Variants in PCDHA1 observed in about 807,000 individuals in gnomAD.
PCDHA1 encodes the protein protocadherin alpha-1.
A neutral mutation model predicts 61.3 loss-of-function variants in PCDHA1; 42 were observed. The observed-to-expected ratio is 0.69, with a 90% CI of 0.54 to 0.89. The LOEUF is 0.89. Ranked by LOEUF, PCDHA1 falls within the 40% of genes least tolerant of loss-of-function variation. The pLI, the probability that PCDHA1 is intolerant of heterozygous loss-of-function variation, is 0.00. For synonymous variants in PCDHA1, 610 were observed against 553.8 expected, an observed-to-expected ratio of 1.10 and a Z score of -1.43; for missense variants, 1,256 against 1,235.3, an observed-to-expected ratio of 1.02 and a Z score of -0.25.
At chr5:140,868,157 G>C (rs1380314181) in intron 1 of PCDHA1, 1 of 151,956 alleles carries the variant, frequency 6.6e-6, no homozygotes, top group Non-Finnish European at 1.5e-5. Flanking sequence ...GTTACATAAA[G>C]TGCTAAATTT....
chr5:140,793,425 C>T (rs782305849), intron 1 of PCDHA1, among the ~76,000 whole-genome samples: 6 of 152,084 alleles, frequency 3.9e-5, no homozygotes, highest in Non-Finnish European at 8.8e-5. Context: ...TACACATTTC[C>T]ATAGATGGTA....
At chr5:140,911,934 A>G (rs2075691303) in intron 1 of PCDHA1, among the ~76,000 whole-genome samples, 1 of 152,158 alleles carries the variant, frequency 6.6e-6, no homozygotes, top group East Asian at 1.9e-4. Flanking sequence ...AATAGGATAG[A>G]TGTATATATA....
intron 1 of PCDHA1, among the ~76,000 whole-genome samples, chr5:140,855,631 C>T (rs1193422916): frequency 1.3e-5 from 2 of 149,640 alleles, no homozygotes; most frequent in African/African-American, 4.9e-5. Flanking sequence ...TGAAATTCGG[C>T]TATTGATAAT....
chr5:140,789,089 C>T (rs1761511254), intron 1 of PCDHA1, among the ~76,000 whole-genome samples: 1 of 152,240 alleles, frequency 6.6e-6, no homozygotes, highest in African/African-American at 2.4e-5. Context: ...AAATCATCTG[C>T]CTTCCCTTTA....
At chr5:140,842,015 G>C in intron 1 of PCDHA1, 1 of 1,613,814 alleles carries the variant, frequency 6.2e-7, no homozygotes, top group East Asian at 2.2e-5. Flanking sequence ...GCTGGTCACA[G>C]TGCTGGATGT....
chr5:140,804,940 C>T (rs1188408361), intron 1 of PCDHA1: 3 of 1,197,384 alleles, frequency 2.5e-6, no homozygotes, highest in East Asian at 5.6e-5. Context: ...TCCTTTGTTG[C>T]TCCCTTGTCC....
At chr5:140,983,293 A>C (rs2097040232) in intron 3 of PCDHA1, among the ~76,000 whole-genome samples, 1 of 152,240 alleles carries the variant, frequency 6.6e-6, no homozygotes, top group African/African-American at 2.4e-5. Context: ...AAAATTGCTT[A>C]AACTCACATT....
At position 140,876,322 on chromosome 5, in the gene PCDHA1, A is replaced by C. The variant is rs146464308; in HGVS notation, c.2394+87638A>C. On this transcript the variant is annotated intron_variant, in intron 1 of 3. Transcript: ENST00000504120. ...AGAAATTTCCTATGGGATCAAAATG[A>C]TTTTGCCAGTGAGTGAGAAATGTAT... 2.9e-4 allele frequency: 465 copies of C among 1,614,034 alleles called. 1 individual carries two copies. In the African/African-American group the frequency reaches 5.7e-3, roughly 20 times the overall value.
chr5:140,834,392 C>T (rs2150216428), intron 1 of PCDHA1: 20 of 1,595,562 alleles, frequency 1.3e-5, no homozygotes, highest in Non-Finnish European at 6.0e-6. Context: ...AAATGGTGTG[C>T]CCGAATGGAT....
chr5:140,883,569 C>T (rs781786717), intron 1 of PCDHA1: 3 of 1,614,134 alleles, frequency 1.9e-6, no homozygotes, highest in Non-Finnish European at 2.5e-6. Flanking sequence ...GGCTCGCCTT[C>T]GCTGTGGGCC....
intron 1 of PCDHA1, among the ~76,000 whole-genome samples, chr5:140,976,889 T>A (rs2096736169): frequency 6.6e-6 from 1 of 152,218 alleles, no homozygotes; most frequent in Admixed American, 6.5e-5. Context: ...TTAGGATACA[T>A]GCAACAGTAT....
rs368334312 is a variant in PCDHA1 at position 140,876,999 on chromosome 5, G to A, written c.2394+88315G>A. The A allele has an allele frequency of 1.6e-5, 26 of 1,612,428 alleles. No homozygotes were observed. In the African/African-American group the frequency reaches 3.1e-4, roughly 19 times the overall value. ...AGCACGCACTGTCGAGCTACGTGTC[G>A]GTGCACGCGGAGAGCGGCAAGGTGT... On this transcript the variant is annotated intron_variant, in intron 1 of 3. Coordinates refer to ENST00000504120, the MANE Select transcript of PCDHA1 (RefSeq NM_018900.4).
At chr5:140,901,161 G>A (rs1554189608) in intron 1 of PCDHA1, among the ~76,000 whole-genome samples, 1 of 152,084 alleles carries the variant, frequency 6.6e-6, no homozygotes, top group African/African-American at 2.4e-5. Flanking sequence ...TCTGTGGGTT[G>A]TCTCTTCACT....
intron 1 of PCDHA1, chr5:140,857,657 C>T (rs1207727837): frequency 1.9e-6 from 3 of 1,596,740 alleles, no homozygotes; most frequent in Non-Finnish European, 1.7e-6. Context: ...GGTGAGCGCG[C>T]GCGATGGGGG....
At chr5:140,871,536 A>G in intron 1 of PCDHA1, 1 of 1,507,188 alleles carries the variant, frequency 6.6e-7, no homozygotes, top group East Asian at 2.4e-5. Context: ...AGTGTATGTG[A>G]AATTATTTAA....
intron 1 of PCDHA1, among the ~76,000 whole-genome samples, chr5:140,965,085 C>T (rs1439379437): frequency 6.6e-6 from 1 of 152,142 alleles, no homozygotes; most frequent in African/African-American, 2.4e-5. Context: ...TGACTTTGTT[C>T]CAGTCCATAG....
At chr5:140,839,227 T>C (rs1776100105) in intron 1 of PCDHA1, among the ~76,000 whole-genome samples, 1 of 152,010 alleles carries the variant, frequency 6.6e-6, no homozygotes, top group African/African-American at 2.4e-5. Context: ...AACTGTAATC[T>C]GTTTTTATTG....
chr5:140,966,490 T>C lies in PCDHA1; in HGVS notation c.2395-12459T>C, dbSNP rs533525977. 6.2e-5 allele frequency: 27 copies of C among 438,082 alleles called. No individual in the cohort carries two copies. In the Admixed American group the frequency reaches 1.1e-3, roughly 18 times the overall value. The allele number at this position is 438,082 out of a possible 1,614,324, so 27.1% of individuals were successfully genotyped here. On this transcript the variant is annotated intron_variant, in intron 1 of 3. Coordinates refer to ENST00000504120, the MANE Select transcript of PCDHA1 (RefSeq NM_018900.4). ...CCTTCTGTTTCCTTTTCCCTCCCCC[T>C]GGAGCTGTAGCGGCAGCAGCAGCAG... is the stretch of plus-strand genomic sequence containing the variant.
At chr5:140,965,893 C>G (rs1173111476) in intron 1 of PCDHA1, among the ~76,000 whole-genome samples, 1 of 152,226 alleles carries the variant, frequency 6.6e-6, no homozygotes, top group Non-Finnish European at 1.5e-5. Context: ...AGAATTGAGT[C>G]TTGGATCCCA....
Sources: allele counts gnomAD v4.1 joint callset (sites outside exome capture counted in the v4.1 genomes callset), GRCh38; gene constraint gnomAD v4.1.1; transcripts MANE v1.5; gene names NCBI Gene and HGNC (gene_info 2026-07-23, HGNC 2026-07-21).